Variants in CYB5R1 observed in about 807,000 individuals in gnomAD.
CYB5R1 encodes the protein NADH-cytochrome b5 reductase 1.
CYB5R1 carries 32 observed loss-of-function variants against 37.4 expected under a neutral mutation model. The observed-to-expected ratio is 0.86, with a 90% CI of 0.65 to 1.15. The LOEUF is 1.15. Ranked by LOEUF, CYB5R1 falls within the 50% of genes most tolerant of loss-of-function variation. CYB5R1 has a pLI of 0.00. For synonymous variants in CYB5R1, 159 were observed against 155.2 expected (o/e 1.02, Z -0.18); for missense variants, 345 against 382.5 (o/e 0.90, Z 0.82).
rs776548883 is a variant in CYB5R1 at position 202,962,507 on chromosome 1, C to A, written c.*20G>T. 1 of 1,591,126 alleles carries A rather than the reference C, an allele frequency of 6.3e-7. No individual in the cohort carries two copies. Among genetic ancestry groups the A allele is most frequent in the African/African-American group, 1.3e-5 (1 of 74,486 alleles). On this transcript the variant is annotated 3_prime_UTR_variant, in exon 9 of 9. Coordinates refer to ENST00000367249, the MANE Select transcript of CYB5R1 (RefSeq NM_016243.3). ...TGGGGAACAACTGCAGCGAACAGCA[C>A]CAGGGAAGCTGGAGGATGCTCAGTA... is the stretch of plus-strand genomic sequence containing the variant.
rs2232856 is a variant in CYB5R1, at chr1:202,962,625, G to A, written c.820C>T (p.Leu274=). ...GGGGGTGGCCCACAAAGCAGTACCA[G>A]CACATCATCCCCTGGAGCGGGCAGG... The part of the protein sequence containing the change: ...EHLPAPGDDV[L]VLLCGPPPMV... The change falls in exon 9 of 9, where the codon CTG becomes TTG. Residue 274 remains leucine, a synonymous_variant. Coordinates refer to ENST00000367249, the MANE Select transcript of CYB5R1 (RefSeq NM_016243.3). 1,032 of 1,614,200 alleles carry A rather than the reference G, an allele frequency of 6.4e-4. 4 individuals are homozygous for A. In the East Asian group the frequency reaches 0.018, roughly 29 times the overall value.
rs1655081868 is a variant in CYB5R1 at position 202,965,882 on chromosome 1, C to T, written c.345+5G>A. 1 of 1,600,150 alleles carries T rather than the reference C, an allele frequency of 6.2e-7. No individual in the cohort carries two copies. ...CAGCCCCTGGGTCCCTTCCTAGCCC[C>T]TTACCTTGATGACAAGATCCACATA... On this transcript the variant is annotated splice_donor_5th_base_variant and intron_variant, in intron 4 of 8. Coordinates refer to ENST00000367249, the MANE Select transcript of CYB5R1 (RefSeq NM_016243.3).
Position 202,962,496 on chromosome 1 carries a change from A to C in CYB5R1, c.*31T>G, listed in dbSNP as rs755807208. ...TTGAGTACTGATGGGGAACAACTGC[A>C]GCGAACAGCACCAGGGAAGCTGGAG... On this transcript the variant is annotated 3_prime_UTR_variant, in exon 9 of 9. Coordinates refer to ENST00000367249, the MANE Select transcript of CYB5R1 (RefSeq NM_016243.3). 34 of 1,571,408 alleles carry C rather than the reference A, an allele frequency of 2.2e-5. No homozygotes were observed. Among genetic ancestry groups the C allele is most frequent in the Non-Finnish European group, 2.7e-5 (31 of 1,158,506 alleles).
chr1:202,962,847 C>T, intron 8 of CYB5R1, 148 bp from the exon 9 acceptor site: 1 of 1,100,678 alleles, frequency 9.1e-7, no homozygotes, highest in Non-Finnish European at 1.4e-6. Context: ...CTCAGCCTGC[C>T]TCAAGCTGAG....
rs764424384 is a variant in CYB5R1, at chr1:202,964,502, C to T, written c.559+110G>A. 2.0e-4 allele frequency: 178 copies of T among 899,878 alleles called. 1 individual carries two copies. Among genetic ancestry groups the T allele is most frequent in the Non-Finnish European group, 2.1e-4 (111 of 535,428 alleles). The allele number at this position is 899,878 out of a possible 1,614,324, so 55.7% of individuals were successfully genotyped here. On this transcript the variant is annotated intron_variant, in intron 6 of 8. Transcript: ENST00000367249. ...GAGTTCTAAGCATTGCTGGAAATCC[C>T]CTGATGAACAACAGCTTGGCTATGG...
intron 3 of CYB5R1, 24 bp from the exon 4 acceptor site, chr1:202,966,017 A>G (rs202204530): frequency 2.0e-6 from 3 of 1,485,660 alleles, no homozygotes; most frequent in East Asian, 2.3e-5. Context: ...AGAGAGCTAC[A>G]TAAGGGTTGT....
At chr1:202,965,028 T>G in intron 5 of CYB5R1, 1 of 434,694 alleles carries the variant, frequency 2.3e-6, no homozygotes. Context: ...GACTTGCTAA[T>G]GCACCCAGCT....
chr1:202,962,842 C>T, intron 8 of CYB5R1, 143 bp from the exon 9 acceptor site: 1 of 1,129,022 alleles, frequency 8.9e-7, no homozygotes, highest in Non-Finnish European at 1.3e-6. Context: ...GTATACTCAG[C>T]CTGCCTCAAG....
At chr1:202,964,508 G>A (rs1655047985) in intron 6 of CYB5R1, 104 bp downstream of exon 6, 1 of 912,818 alleles carries the variant, frequency 1.1e-6, no homozygotes, top group South Asian at 1.3e-5. Context: ...ATCCCCTGAT[G>A]AACAACAGCT....
At chr1:202,965,818 T>G in intron 4 of CYB5R1, 69 bp downstream of exon 4, 1 of 1,172,184 alleles carries the variant, frequency 8.5e-7, no homozygotes, top group Non-Finnish European at 1.3e-6. Flanking sequence ...GTCAGGCAAA[T>G]CTTAGAAATT....
intron 1 of CYB5R1, 26 bp from the exon 2 acceptor site, chr1:202,966,924 C>T (rs1360637721): frequency 2.5e-6 from 4 of 1,579,388 alleles, no homozygotes; most frequent in Non-Finnish European, 3.4e-6. Flanking sequence ...GCAGCGTGAC[C>T]GCCAGGCTGG....
chr1:202,965,637 CT>C (rs397860855), intron 4 of CYB5R1, 137 bp from the exon 5 acceptor site: 2,477 of 500,840 alleles, frequency 4.9e-3, no homozygotes, highest in South Asian at 8.4e-3. Context: ...TTCTTTCTTT[CT>C]TTTTTTTTTT....
At chr1:202,963,004 G>T in intron 8 of CYB5R1, 62 bp downstream of exon 8, 1 of 1,468,792 alleles carries the variant, frequency 6.8e-7, no homozygotes, top group Non-Finnish European at 9.5e-7. Flanking sequence ...AATTCACAAA[G>T]GGGCAAGGCT....
chr1:202,965,706 C>T (rs1157399078), intron 4 of CYB5R1, among the ~76,000 whole-genome samples, 181 bp downstream of exon 4: 1 of 150,676 alleles, frequency 6.6e-6, no homozygotes, highest in East Asian at 1.9e-4. Context: ...AATCTTGGCT[C>T]ACTGCAACCT....
In CYB5R1 at chr1:202,967,148, G is replaced by C. The variant is rs777752626; in HGVS notation, c.15+43C>G. The C allele has an allele frequency of 3.1e-6, 5 of 1,603,448 alleles. No homozygotes were observed. In the African/African-American group the frequency reaches 5.4e-5, roughly 17 times the overall value. On this transcript the variant is annotated intron_variant, in intron 1 of 8. Coordinates refer to ENST00000367249, the MANE Select transcript of CYB5R1 (RefSeq NM_016243.3). ...CGGAGCTGAGTGGCCAGAACCAGAT[G>C]GGGAGGGGTCCCCCAGTGGAGGATA...
intron 5 of CYB5R1, chr1:202,965,045 A>G (rs1655058984): frequency 2.4e-6 from 1 of 414,292 alleles, no homozygotes; most frequent in African/African-American, 2.0e-5. Context: ...AGCTGTTCCC[A>G]TGGGAAGGGC....
In CYB5R1 at chr1:202,962,660, A is replaced by G; in HGVS notation, c.785T>C (p.Ile262Thr). ...CCCTGGAGCGGGCAGGTGTTCCCGGATCATGTCGGCAGTCACAAAGCCCTT... is the reference window on the plus strand; with the variant it reads ...CCCTGGAGCGGGCAGGTGTTCCCGGGTCATGTCGGCAGTCACAAAGCCCTT... ...YSKGFVTADM[I>T]REHLPAPGDD... The change falls in exon 9 of 9, where the codon ATC becomes ACC. Residue 262 changes from isoleucine (I) to threonine (T), a missense_variant. Coordinates refer to ENST00000367249, the MANE Select transcript of CYB5R1 (RefSeq NM_016243.3). 1 of 1,614,170 alleles carries G rather than the reference A, an allele frequency of 6.2e-7. No individual in the cohort carries two copies. Among genetic ancestry groups the G allele is most frequent in the South Asian group, 1.1e-5 (1 of 91,088 alleles).
chr1:202,966,325 G>A (rs1330188844), intron 3 of CYB5R1: 1 of 627,772 alleles, frequency 1.6e-6, no homozygotes, highest in African/African-American at 1.8e-5. Context: ...ACTGTTGAGT[G>A]TTAAAGCTGG....
Position 202,967,125 on chromosome 1 carries a change from G to A in CYB5R1, c.15+66C>T, listed in dbSNP as rs941047335. ...GTCGGCAGCGACAGCCCCTGGTCCG[G>A]AGCTGAGTGGCCAGAACCAGATGGG... On this transcript the variant is annotated intron_variant, in intron 1 of 8. Coordinates refer to ENST00000367249, the MANE Select transcript of CYB5R1 (RefSeq NM_016243.3). 5 of 1,575,754 alleles carry A rather than the reference G, an allele frequency of 3.2e-6. No homozygotes were observed. The African/African-American group carries it at 6.8e-5, about 21-fold the overall frequency.
Sources: gnomAD v4.1 joint callset for allele counts (sites outside exome capture counted in the v4.1 genomes callset) on GRCh38, gnomAD v4.1.1 for gene constraint, MANE v1.5 for transcripts, NCBI Gene and HGNC (gene_info 2026-07-23, HGNC 2026-07-21) for gene names.